TNFRSF10B: variants seen among roughly 807,000 people sequenced by gnomAD.
TNFRSF10B encodes the protein tumor necrosis factor receptor superfamily member 10B.
A neutral mutation model predicts 41.4 loss-of-function variants in TNFRSF10B; 35 were observed. The ratio of observed to expected loss-of-function variants is 0.85; its 90% confidence interval spans 0.65 to 1.12. TNFRSF10B has a LOEUF of 1.12. Among genes scored for constraint, TNFRSF10B ranks in the 50% most tolerant of loss-of-function variants. The probability of loss-of-function intolerance (pLI) is 0.00; values close to 1 mark genes in which losing one functional copy is unlikely to be tolerated. For synonymous variants in TNFRSF10B, 230 were observed against 215.5 expected, an observed-to-expected ratio of 1.07 and a Z score of -0.59; for missense variants, 584 against 552.7, an observed-to-expected ratio of 1.06 and a Z score of -0.57.
chr8:23,052,199 G>C (rs1160947493), intron 1 of TNFRSF10B, among the ~76,000 whole-genome samples: 2 of 151,284 alleles, frequency 1.3e-5, no homozygotes, highest in Non-Finnish European at 2.9e-5. Context: ...TTAAACAACA[G>C]ATATCTAATT....
intron 1 of TNFRSF10B, among the ~76,000 whole-genome samples, chr8:23,052,284 A>C (rs1172078977): frequency 8.2e-6 from 1 of 121,990 alleles, no homozygotes; most frequent in Non-Finnish European, 1.7e-5. Flanking sequence ...TTAAAGGGTA[A>C]CTTTTTTTTT....
Position 23,027,756 on chromosome 8 carries a change from A to G in TNFRSF10B, c.749-3T>C. ...ACGCTCAGGGTCCCCACCACCACCT[A>G]AAAAAGAAGCAGTCTCCTTAGCAGG... On this transcript the variant is annotated splice_polypyrimidine_tract_variant and splice_region_variant and intron_variant, in intron 5 of 8. Transcript: ENST00000276431. 1.2e-6 allele frequency: 2 copies of G among 1,613,918 alleles called. No homozygotes were observed. Among genetic ancestry groups the G allele is most frequent in the Non-Finnish European group, 1.7e-6 (2 of 1,179,938 alleles).
At chr8:23,046,633 A>C (rs7017925) in intron 1 of TNFRSF10B, among the ~76,000 whole-genome samples, 53,600 of 147,334 alleles carry the variant, frequency 0.36, 12,330 homozygotes, top group African/African-American at 0.64. Context: ...AAAAAAAAAA[A>C]ACACAAATAG....
chr8:23,063,783 A>G (rs1228827673), intron 1 of TNFRSF10B, among the ~76,000 whole-genome samples: 1 of 152,136 alleles, frequency 6.6e-6, no homozygotes, highest in East Asian at 1.9e-4. Context: ...ATGATCTTTA[A>G]TGGGTGGATC....
chr8:23,026,291 T>A (rs13269529), intron 7 of TNFRSF10B, among the ~76,000 whole-genome samples: 2 of 151,960 alleles, frequency 1.3e-5, no homozygotes, highest in African/African-American at 4.8e-5. Context: ...TTTGTTTTTT[T>A]AAAAAAGAGT....
At chr8:23,066,898 AAAAC>A (rs148571903) in intron 1 of TNFRSF10B, among the ~76,000 whole-genome samples, 20,249 of 151,854 alleles carry the variant, frequency 0.13, 1,715 homozygotes, top group East Asian at 0.2. Context: ...ACTCCATCTC[AAAAC>A]AAACAAACAA....
In TNFRSF10B at chr8:23,021,020, A is replaced by G. The variant is rs1563301971; in HGVS notation, c.*1651T>C. The stretch of plus-strand genomic sequence containing the variant: ...AGTCTGAATGTGTGATCTTCAGGCA[A>G]TTCTAACTTTGTCCCACCCAAACCA... On this transcript the variant is annotated 3_prime_UTR_variant, in exon 9 of 9. Transcript: ENST00000276431. The G allele has an allele frequency of 1.1e-5, 5 of 453,992 alleles. No homozygotes were observed. The highest frequency in any genetic ancestry group is 3.1e-5 in the South Asian group (2 of 64,474). 28.1% of individuals were successfully genotyped at this position (453,992 alleles called of 1,614,324 possible).
In TNFRSF10B at chr8:23,021,445, T is replaced by G. The variant is rs563980538; in HGVS notation, c.*1226A>C. 1 of 454,146 alleles carries G rather than the reference T, an allele frequency of 2.2e-6. No homozygotes were observed. Among genetic ancestry groups the G allele is most frequent in the African/African-American group, 2.0e-5 (1 of 50,144 alleles). The allele number at this position is 454,146 out of a possible 1,614,324, so 28.1% of individuals were successfully genotyped here. On this transcript the variant is annotated 3_prime_UTR_variant, in exon 9 of 9. Transcript: ENST00000276431. ...CACCATTCTCAAGCACCATCTACTC[T>G]TCCCCCTTGATGCCATGGCAGACGT...
chr8:23,068,749 A>C lies in TNFRSF10B; in HGVS notation c.144+2T>G. On this transcript the variant is annotated splice_donor_variant, in intron 1 of 8. Coordinates refer to ENST00000276431, the MANE Select transcript of TNFRSF10B (RefSeq NM_003842.5). LOFTEE classifies it high-confidence loss of function. ...CAGCCAGGGACCGCGGCGGGGACTC[A>C]CCAACAGCAGGACCGCGGCGACAAC... 6.3e-7 allele frequency: 1 copy of C among 1,578,622 alleles called. No individual in the cohort carries two copies. The highest frequency in any genetic ancestry group is 1.1e-5 in the South Asian group (1 of 88,126).
At chr8:23,037,078 C>T (rs959386207) in intron 2 of TNFRSF10B, among the ~76,000 whole-genome samples, 5 of 152,032 alleles carry the variant, frequency 3.3e-5, no homozygotes, top group African/African-American at 1.2e-4. Context: ...ATATTTGTGC[C>T]CCATGTGACA....
rs777038492 is a variant in TNFRSF10B, at chr8:23,030,816, A to G, written c.307T>C (p.Tyr103His). 20 of 1,613,160 alleles carry G rather than the reference A, an allele frequency of 1.2e-5. No homozygotes were observed. The East Asian group carries it at 4.2e-4, about 34-fold the overall frequency. The change falls in exon 3 of 9, where the codon TAT becomes CAT. Residue 103 changes from tyrosine (Y) to histidine (H), a missense_variant. Coordinates refer to ENST00000276431, the MANE Select transcript of TNFRSF10B (RefSeq NM_003842.5). ...DCISCKYGQDYSTHWNDLLFC... is the reference protein window; with the variant it reads ...DCISCKYGQDHSTHWNDLLFC... ...AGGAGGTCATTCCAGTGAGTGCTAT[A>G]GTCCTGTCCATATTTGCAGGAGATG...
At chr8:23,066,121 A>G (rs1485552764) in intron 1 of TNFRSF10B, among the ~76,000 whole-genome samples, 1 of 152,078 alleles carries the variant, frequency 6.6e-6, no homozygotes, top group Admixed American at 6.6e-5. Context: ...CGTCTCTACT[A>G]AAAATACAAA....
At chr8:23,037,060 C>A (rs1048937394) in intron 2 of TNFRSF10B, among the ~76,000 whole-genome samples, 102 of 152,218 alleles carry the variant, frequency 6.7e-4, no homozygotes, top group African/African-American at 2.2e-3. Flanking sequence ...GGTAAAAAAA[C>A]CATGAAGATA....
chr8:23,064,240 CACAG>C (rs1265895979), intron 1 of TNFRSF10B, among the ~76,000 whole-genome samples: 5 of 152,130 alleles, frequency 3.3e-5, no homozygotes, highest in African/African-American at 9.7e-5. Context: ...AAAGAGTGCA[CACAG>C]ACAGAATCCC....
intron 8 of TNFRSF10B, 116 bp downstream of exon 8, chr8:23,024,072 C>A (rs1274310597): frequency 7.5e-7 from 1 of 1,336,484 alleles, no homozygotes; most frequent in Non-Finnish European, 1.1e-6. Flanking sequence ...AGCACAGGAC[C>A]CACGGCTTCC....
chr8:23,023,078 T>G, intron 8 of TNFRSF10B, 94 bp from the exon 9 acceptor site: 1 of 1,490,536 alleles, frequency 6.7e-7, no homozygotes. Context: ...GCGGGGAACC[T>G]GGAGAGCCCC....
intron 2 of TNFRSF10B, among the ~76,000 whole-genome samples, chr8:23,039,332 T>C (rs1812107462): frequency 6.6e-6 from 1 of 152,004 alleles, no homozygotes; most frequent in Non-Finnish European, 1.5e-5. Context: ...TAAAGATTTA[T>C]CTTAAGGAAT....
intron 4 of TNFRSF10B, among the ~76,000 whole-genome samples, chr8:23,029,062 C>G (rs1395982595): frequency 6.6e-6 from 1 of 152,106 alleles, no homozygotes; most frequent in Non-Finnish European, 1.5e-5. Context: ...ACTCTTGGCC[C>G]CTAAAACCCA....
At chr8:23,067,968 CA>C (rs1813044382) in intron 1 of TNFRSF10B, among the ~76,000 whole-genome samples, 1 of 152,226 alleles carries the variant, frequency 6.6e-6, no homozygotes, top group Non-Finnish European at 1.5e-5. Context: ...CTGTTCCCTA[CA>C]AAGCCGACTC....
Sources: gnomAD v4.1 joint callset for allele counts (sites outside exome capture counted in the v4.1 genomes callset) on GRCh38, gnomAD v4.1.1 for gene constraint, MANE v1.5 for transcripts, NCBI Gene and HGNC (gene_info 2026-07-23, HGNC 2026-07-21) for gene names.